Variants in TSPAN18 observed in about 807,000 individuals in gnomAD.
The protein encoded by TSPAN18 is tetraspanin 18.
TSPAN18 carries 14 observed loss-of-function variants against 27.3 expected under a neutral mutation model. The ratio of observed to expected loss-of-function variants is 0.51; its 90% CI spans 0.34 to 0.80. TSPAN18 has a LOEUF of 0.80. TSPAN18 is among the 30% of genes least tolerant of loss of function. The pLI is 0.01. For missense variants in TSPAN18, 268 were observed against 323.9 expected, an observed-to-expected ratio of 0.83 and a Z score of 1.32; for synonymous variants, 143 against 136.5, an observed-to-expected ratio of 1.05 and a Z score of -0.33.
chr11:44,823,379 G>T (rs191320361), intron 2 of TSPAN18, among the ~76,000 whole-genome samples: 2 of 152,318 alleles, frequency 1.3e-5, no homozygotes, highest in South Asian at 2.1e-4. Context: ...GCGATGCAGC[G>T]GGGGGCTTTC....
At chr11:44,882,996 G>C (rs1858538896) in intron 3 of TSPAN18, among the ~76,000 whole-genome samples, 1 of 152,234 alleles carries the variant, frequency 6.6e-6, no homozygotes, top group African/African-American at 2.4e-5. Context: ...CACCATTGCT[G>C]TCTGTGTTTA....
intron 3 of TSPAN18, among the ~76,000 whole-genome samples, chr11:44,861,484 C>T (rs973091946): frequency 1.3e-3 from 6 of 4,464 alleles, no homozygotes; most frequent in Non-Finnish European, 2.1e-3. Flanking sequence ...GGCGGGGGGT[C>T]GGTGGTTGGG....
At chr11:44,896,909 T>G (rs1372086519) in intron 3 of TSPAN18, among the ~76,000 whole-genome samples, 3 of 152,102 alleles carry the variant, frequency 2.0e-5, no homozygotes, top group Admixed American at 1.3e-4. Context: ...GGATGGTAGG[T>G]GGGTGAGTGG....
In TSPAN18 at chr11:44,863,577, GA is replaced by G. The variant is rs568324043; in HGVS notation, c.-11+3109del. On this transcript the variant is annotated intron_variant, in intron 3 of 9. Transcript: ENST00000520358. Reference sequence around the variant, plus strand: ...AGAGCTTAGGGCTCATTTTCACTTAGAGCATTGCAAGCAGCTGCCCTAGTGG... The same window carrying G: ...AGAGCTTAGGGCTCATTTTCACTTAGGCATTGCAAGCAGCTGCCCTAGTGG... 2.9e-3 allele frequency among the ~76,000 whole-genome samples: 435 copies of G among 152,262 alleles called. 3 individuals carry two copies. The highest frequency in any genetic ancestry group is 0.01 in the African/African-American group (421 of 41,534).
intron 2 of TSPAN18, among the ~76,000 whole-genome samples, chr11:44,788,049 GC>G (rs1382941544): frequency 6.6e-6 from 1 of 152,190 alleles, no homozygotes; most frequent in Non-Finnish European, 1.5e-5. Flanking sequence ...AAAAGGTTGA[GC>G]ATGGAAATGG....
At chr11:44,792,312 C>G (rs1023650779) in intron 2 of TSPAN18, among the ~76,000 whole-genome samples, 1 of 152,156 alleles carries the variant, frequency 6.6e-6, no homozygotes, top group African/African-American at 2.4e-5. Flanking sequence ...GGAGCATCTG[C>G]GGGGACAGTC....
At chr11:44,856,340 C>T (rs1857737061) in intron 2 of TSPAN18, among the ~76,000 whole-genome samples, 1 of 152,196 alleles carries the variant, frequency 6.6e-6, no homozygotes, top group African/African-American at 2.4e-5. Context: ...TCCCACTCTG[C>T]CCCAACAGGC....
chr11:44,928,583 G>A (rs1182271638), intron 9 of TSPAN18, among the ~76,000 whole-genome samples: 1 of 152,144 alleles, frequency 6.6e-6, no homozygotes, highest in Non-Finnish European at 1.5e-5. Context: ...GTCAAGAGAT[G>A]GAGACCATCC....
At chr11:44,754,049 G>A (rs968002407) in intron 1 of TSPAN18, among the ~76,000 whole-genome samples, 1 of 152,192 alleles carries the variant, frequency 6.6e-6, no homozygotes, top group African/African-American at 2.4e-5. Context: ...GGACAAGTGT[G>A]ACTTGAAGGA....
intron 1 of TSPAN18, among the ~76,000 whole-genome samples, chr11:44,752,176 T>G (rs1855226002): frequency 6.6e-6 from 1 of 152,196 alleles, no homozygotes; most frequent in Admixed American, 6.5e-5. Flanking sequence ...AGATCTGACC[T>G]TCCAGGAAAT....
intron 4 of TSPAN18, among the ~76,000 whole-genome samples, chr11:44,907,791 A>C (rs930737693): frequency 1.2e-4 from 19 of 152,246 alleles, no homozygotes; most frequent in African/African-American, 4.6e-4. Context: ...GCAGTGGCTC[A>C]CATCTGTAAT....
At chr11:44,747,216 T>C (rs79194048) in intron 1 of TSPAN18, among the ~76,000 whole-genome samples, 8,250 of 152,312 alleles carry the variant, frequency 0.054, 305 homozygotes, top group African/African-American at 0.099. Context: ...CCTGGCATCT[T>C]TTCTCCATCC....
At chr11:44,875,812 T>C (rs114028447) in intron 3 of TSPAN18, among the ~76,000 whole-genome samples, 2,258 of 152,354 alleles carry the variant, frequency 0.015, 67 homozygotes, top group African/African-American at 0.052. Flanking sequence ...CTAGGATTTA[T>C]ATAAAACGCC....
At chr11:44,842,966 T>C (rs1005807823) in intron 2 of TSPAN18, among the ~76,000 whole-genome samples, 1 of 150,780 alleles carries the variant, frequency 6.6e-6, no homozygotes, top group African/African-American at 2.4e-5. Flanking sequence ...CCATTCTGGC[T>C]TCTATCACCT....
At chr11:44,763,495 T>C (rs150194477) in intron 1 of TSPAN18, among the ~76,000 whole-genome samples, 3 of 152,326 alleles carry the variant, frequency 2.0e-5, no homozygotes, top group African/African-American at 7.2e-5. Flanking sequence ...CACCGGAGAC[T>C]TTCCTTACTA....
At chr11:44,810,400 T>C (rs1267348539) in intron 2 of TSPAN18, among the ~76,000 whole-genome samples, 1 of 152,212 alleles carries the variant, frequency 6.6e-6, no homozygotes, top group Non-Finnish European at 1.5e-5. Flanking sequence ...GCCTTTTGTG[T>C]CTGGCTTCTT....
chr11:44,897,805 G>C (rs1859117458), intron 3 of TSPAN18: 6 of 1,289,298 alleles, frequency 4.7e-6, no homozygotes, highest in South Asian at 1.2e-5. Flanking sequence ...AGTCTGTCCT[G>C]CTGATGCCCG....
At chr11:44,913,860 G>A (rs1348598341) in intron 5 of TSPAN18, among the ~76,000 whole-genome samples, 1 of 152,382 alleles carries the variant, frequency 6.6e-6, no homozygotes, top group South Asian at 2.1e-4. Context: ...TTGATGAGGG[G>A]AAGCCCCAGG....
rs778653685 is a variant in TSPAN18, at chr11:44,919,902, C to T, written c.518C>T (p.Pro173Leu). ...CTGACCCTGGATAGTGAAGAGGTGC[C>T]GGAGGCCTGCTGCCGGAGGGAACCC... is the stretch of plus-strand genomic sequence containing the variant. Reference protein sequence around the residue: ...RLLTLDSEEVPEACCRREPQS... With the variant: ...RLLTLDSEEVLEACCRREPQS... Residue 173 changes from proline to leucine, a missense_variant, in exon 8 of 10, where the codon CCG becomes CTG. Transcript: ENST00000520358. 3.1e-5 allele frequency: 50 copies of T among 1,614,038 alleles called. No individual in the cohort carries two copies. Among genetic ancestry groups the T allele is most frequent in the Middle Eastern group, 1.6e-4 (1 of 6,084 alleles).
Sources: allele counts gnomAD v4.1 joint callset (sites outside exome capture counted in the v4.1 genomes callset), GRCh38; gene constraint gnomAD v4.1.1; transcripts MANE v1.5; gene names NCBI Gene and HGNC (gene_info 2026-07-23, HGNC 2026-07-21).